Variants in PRKG2 observed in about 807,000 individuals in gnomAD.
The protein encoded by PRKG2 is cGMP-dependent protein kinase 2.
PRKG2 carries 33 observed loss-of-function variants against 97.2 expected under a neutral mutation model. The observed-to-expected ratio is 0.34, with a 90% confidence interval of 0.26 to 0.45. The LOEUF (loss-of-function observed/expected upper bound fraction) is 0.45, where lower values mean the gene tolerates loss of function less well. PRKG2 is among the 20% of genes least tolerant of loss of function. The pLI is 1.00. For missense variants in PRKG2, 638 were observed against 900.0 expected (o/e 0.71, Z 3.73); for synonymous variants, 330 against 321.8 (o/e 1.03, Z -0.27).
At chr4:81,093,486 A>G (rs1210145726) in intron 17 of PRKG2, among the ~76,000 whole-genome samples, 4 of 151,706 alleles carry the variant, frequency 2.6e-5, no homozygotes, top group African/African-American at 9.7e-5. Context: ...CTTAGTTATC[A>G]TGTTTACTTT....
intron 17 of PRKG2, among the ~76,000 whole-genome samples, chr4:81,099,289 T>A (rs1243484473): frequency 1.3e-5 from 2 of 152,122 alleles, no homozygotes; most frequent in Non-Finnish European, 2.9e-5. Context: ...ATATCCTTGA[T>A]GAACATTGAT....
At chr4:81,189,066 T>TAAA in intron 2 of PRKG2, among the ~76,000 whole-genome samples, 203 of 17,038 alleles carry the variant, frequency 0.012, 21 homozygotes, top group African/African-American at 0.065. Flanking sequence ...AAAAAAATAA[T>TAAA]AAAAAAAAAA....
intron 18 of PRKG2, 35 bp from the exon 19 acceptor site, chr4:81,089,838 A>G (rs1461575706): frequency 6.6e-7 from 1 of 1,511,278 alleles, no homozygotes; most frequent in Non-Finnish European, 9.2e-7. Context: ...AAGGAAGAAT[A>G]ATGTTGACCA....
intron 14 of PRKG2, among the ~76,000 whole-genome samples, chr4:81,120,669 CT>C (rs1744991451): frequency 6.6e-6 from 1 of 152,080 alleles, no homozygotes; most frequent in Admixed American, 6.6e-5. Flanking sequence ...GCTGTAAGTG[CT>C]TTTTAGTTCC....
intron 15 of PRKG2, among the ~76,000 whole-genome samples, chr4:81,109,729 G>C (rs942812812): frequency 6.6e-6 from 1 of 152,170 alleles, no homozygotes; most frequent in African/African-American, 2.4e-5. Flanking sequence ...ACACATGTAA[G>C]TGCTTTGTAA....
intron 2 of PRKG2, among the ~76,000 whole-genome samples, chr4:81,181,008 C>T (rs916299629): frequency 1.2e-4 from 16 of 136,612 alleles, no homozygotes; most frequent in Non-Finnish European, 2.2e-4. Flanking sequence ...CAGCAGTCCC[C>T]GGAGTGTGAT....
At chr4:81,109,484 G>C (rs1215662945) in intron 15 of PRKG2, among the ~76,000 whole-genome samples, 1 of 152,202 alleles carries the variant, frequency 6.6e-6, no homozygotes, top group African/African-American at 2.4e-5. Flanking sequence ...AATTCTGTGT[G>C]TGTATGCCCA....
intron 17 of PRKG2, among the ~76,000 whole-genome samples, chr4:81,093,143 T>C (rs890992888): frequency 1.3e-5 from 2 of 152,078 alleles, no homozygotes; most frequent in African/African-American, 4.8e-5. Context: ...ACTGTATTAC[T>C]TTTCTCTTTC....
chr4:81,122,750 A>C (rs1399796063), intron 14 of PRKG2, among the ~76,000 whole-genome samples: 1 of 152,152 alleles, frequency 6.6e-6, no homozygotes, highest in African/African-American at 2.4e-5. Context: ...TGAAAATGCC[A>C]CTTATAGGAA....
At chr4:81,179,989 C>A (rs1443267504) in intron 2 of PRKG2, among the ~76,000 whole-genome samples, 1 of 151,946 alleles carries the variant, frequency 6.6e-6, no homozygotes, top group Non-Finnish European at 1.5e-5. Context: ...AAAAATTAGC[C>A]AGGCATGGTA....
chr4:81,199,230 C>A (rs935716464), intron 2 of PRKG2, among the ~76,000 whole-genome samples: 4 of 152,082 alleles, frequency 2.6e-5, no homozygotes, highest in Admixed American at 2.6e-4. Flanking sequence ...TCCTCCCCAG[C>A]AAAAGTTCCC....
intron 2 of PRKG2, among the ~76,000 whole-genome samples, chr4:81,200,935 A>G (rs554596377): frequency 6.6e-6 from 1 of 152,344 alleles, no homozygotes; most frequent in South Asian, 2.1e-4. Context: ...GCACAAAGCC[A>G]GGTCCCTACA....
At chr4:81,192,446 T>C (rs976002625) in intron 2 of PRKG2, among the ~76,000 whole-genome samples, 1 of 152,202 alleles carries the variant, frequency 6.6e-6, no homozygotes, top group South Asian at 2.1e-4. Flanking sequence ...TTAAAAAATA[T>C]GTATGACTTT....
At chr4:81,215,721 G>T (rs1754247568), upstream of PRKG2, among the ~76,000 whole-genome samples, 1 of 150,846 alleles carries the variant, frequency 6.6e-6, no homozygotes, top group Non-Finnish European at 1.5e-5. Flanking sequence ...CCGGACTCTG[G>T]GGCCATAACT....
intron 14 of PRKG2, among the ~76,000 whole-genome samples, chr4:81,115,263 C>A (rs948174327): frequency 2.0e-5 from 3 of 152,172 alleles, no homozygotes; most frequent in South Asian, 2.1e-4. Flanking sequence ...TCTTCACCAT[C>A]ATTTAGTAAT....
At chr4:81,154,041 A>C in intron 6 of PRKG2, 1 of 192,142 alleles carries the variant, frequency 5.2e-6, no homozygotes, top group Non-Finnish European at 1.0e-5. Flanking sequence ...CTCTCACCCG[A>C]ATATCGCGCT....
intron 15 of PRKG2, among the ~76,000 whole-genome samples, chr4:81,109,503 A>G (rs1382631576): frequency 6.6e-6 from 1 of 152,222 alleles, no homozygotes; most frequent in Admixed American, 6.5e-5. Context: ...CATGCATTGT[A>G]TCATAAACAC....
intron 17 of PRKG2, among the ~76,000 whole-genome samples, chr4:81,100,108 G>A (rs1048959091): frequency 6.6e-6 from 1 of 151,444 alleles, no homozygotes; most frequent in African/African-American, 2.4e-5. Flanking sequence ...TTGGTAGGAA[G>A]AATCAATATC....
chr4:81,087,419 G>A lies in PRKG2; in HGVS notation c.*2289C>T, dbSNP rs1308272155. On this transcript the variant is annotated 3_prime_UTR_variant, in exon 19 of 19. Coordinates refer to ENST00000264399, the MANE Select transcript of PRKG2 (RefSeq NM_006259.3). ...ACTTCATGATTTAAAAGAAAAAAAA[G>A]ACAGATACTGGATTTGATAAGTACA... 6.6e-6 allele frequency: 1 copy of A among 151,944 alleles called. No individual in the cohort carries two copies. The highest frequency in any genetic ancestry group is 1.9e-4 in the East Asian group (1 of 5,196). 9.4% of individuals were successfully genotyped at this position (151,944 alleles called of 1,614,324 possible). A position where few individuals can be genotyped will look rare whatever the true frequency, so the allele number is the denominator to read the frequency against.
Sources: allele counts gnomAD v4.1 joint callset (sites outside exome capture counted in the v4.1 genomes callset), GRCh38; gene constraint gnomAD v4.1.1; transcripts MANE v1.5; gene names NCBI Gene and HGNC (gene_info 2026-07-23, HGNC 2026-07-21).